SLC2A10: variants seen among roughly 807,000 people sequenced by gnomAD.
The protein encoded by SLC2A10 is solute carrier family 2 member 10, also known as solute carrier family 2, facilitated glucose transporter member 10.
SLC2A10 carries 25 observed loss-of-function variants against 32.1 expected under a neutral mutation model. That is an observed-to-expected ratio of 0.78 (90% CI 0.57 to 1.09). The LOEUF (loss-of-function observed/expected upper bound fraction) is 1.09, where lower values mean the gene tolerates loss of function less well. SLC2A10 is among the 50% of genes least tolerant of loss of function. SLC2A10 has a pLI of 0.00. For missense variants in SLC2A10, 673 were observed against 686.5 expected (o/e 0.98, Z 0.22); for synonymous variants, 332 against 309.6 (o/e 1.07, Z -0.76).
intron 1 of SLC2A10, among the ~76,000 whole-genome samples, chr20:46,720,157 C>T (rs529952880): frequency 6.6e-6 from 1 of 152,300 alleles, no homozygotes; most frequent in South Asian, 2.1e-4. Flanking sequence ...ATCAGAAGTA[C>T]CTTGGTTCAA....
chr20:46,711,990 A>C (rs1978940746), intron 1 of SLC2A10, among the ~76,000 whole-genome samples: 1 of 152,312 alleles, frequency 6.6e-6, no homozygotes, highest in Admixed American at 6.5e-5. Flanking sequence ...GCCCGAGTTC[A>C]AGTTCCTGCT....
At position 46,725,961 on chromosome 20, in the gene SLC2A10, C is replaced by G. The variant is rs765602345; in HGVS notation, c.925C>G (p.Leu309Val). ...LLLAGCALMA[L>V]SVSGIGLVSF... ...GCTAGCTGGCTGTGCCCTCATGGCC[C>G]TGTCCGTCAGTGGCATAGGCCTCGT... The change falls in exon 2 of 5, where the codon CTG becomes GTG. Residue 309 changes from leucine to valine, a missense_variant. By Grantham distance (32) the Leu-to-Val change is conservative (BLOSUM62 1). Coordinates refer to ENST00000359271, the MANE Select transcript of SLC2A10 (RefSeq NM_030777.4). 1.2e-6 allele frequency: 2 copies of G among 1,613,776 alleles called. No homozygotes were observed. The highest frequency in any genetic ancestry group is 3.3e-5 in the Admixed American group (2 of 60,014).
Position 46,726,846 on chromosome 20 carries a change from C to G in SLC2A10, c.1289-18C>G, listed in dbSNP as rs200748428. The G allele has an allele frequency of 3.7e-6, 6 of 1,613,986 alleles. No individual in the cohort carries two copies. The African/African-American group carries it at 8.0e-5, about 22-fold the overall frequency. ...GGTCCCACCACAGCCCAGGAGCCCT[C>G]CTGCTCTCCCACCCTAGTGACCTGG... On this transcript the variant is annotated intron_variant, in intron 2 of 4. Coordinates refer to ENST00000359271, the MANE Select transcript of SLC2A10 (RefSeq NM_030777.4).
At chr20:46,733,679 C>A in intron 4 of SLC2A10, 77 bp from the exon 5 acceptor site, 1 of 1,134,282 alleles carries the variant, frequency 8.8e-7, no homozygotes, top group Non-Finnish European at 1.3e-6. Flanking sequence ...TGGTGGGAAC[C>A]CCAGTGGAAG....
chr20:46,711,627 C>T (rs1204343552), intron 1 of SLC2A10, among the ~76,000 whole-genome samples: 1 of 152,146 alleles, frequency 6.6e-6, no homozygotes, highest in African/African-American at 2.4e-5. Flanking sequence ...ATGGGCAGAG[C>T]GAGGGCTGGG....
rs745307904 is a variant in SLC2A10 at position 46,729,477 on chromosome 20, C to G, written c.1536C>G (p.Phe512Leu). Residue 512 changes from phenylalanine (F) to leucine (L), a missense_variant, in exon 4 of 5, where the codon TTC becomes TTG. Physicochemically the swap from Phe to Leu is conservative, Grantham distance 22. Coordinates refer to ENST00000359271, the MANE Select transcript of SLC2A10 (RefSeq NM_030777.4). ...GQSLAEIDQQ[F>L]QKRRFTLSFG... ...CGTTGGCAGAGATAGACCAGCAGTT[C>G]CAGAAGAGACGGTAGGAAGCTGACA... 1.2e-6 allele frequency: 2 copies of G among 1,614,036 alleles called. No homozygotes were observed. Among genetic ancestry groups the G allele is most frequent in the Non-Finnish European group, 1.7e-6 (2 of 1,179,998 alleles).
intron 4 of SLC2A10, 90 bp downstream of exon 4, chr20:46,729,578 T>G: frequency 6.8e-7 from 1 of 1,472,860 alleles, no homozygotes; most frequent in South Asian, 1.1e-5. Flanking sequence ...GCTTTCCTTT[T>G]GCAAGCGGGC....
rs548932227 is a variant in SLC2A10 at position 46,713,904 on chromosome 20, G to C, written c.4+4164G>C. 5.3e-5 allele frequency among the ~76,000 whole-genome samples: 8 copies of C among 152,276 alleles called. No homozygotes were observed. In the East Asian group the frequency reaches 1.4e-3, roughly 26 times the overall value. ...GAAGACTCATAAAGGAACTTGCAGT[G>C]TGAAGGAAAAAGAGTACAGTGGAGA... On this transcript the variant is annotated intron_variant, in intron 1 of 4. Coordinates refer to ENST00000359271, the MANE Select transcript of SLC2A10 (RefSeq NM_030777.4).
intron 1 of SLC2A10, among the ~76,000 whole-genome samples, chr20:46,716,078 G>T (rs759352485): frequency 2.0e-5 from 3 of 151,850 alleles, no homozygotes; most frequent in South Asian, 2.1e-4. Flanking sequence ...TAAGTGAGTT[G>T]CTTTACCCCC....
At chr20:46,712,716 C>T (rs1161437441) in intron 1 of SLC2A10, among the ~76,000 whole-genome samples, 2 of 121,720 alleles carry the variant, frequency 1.6e-5, no homozygotes, top group African/African-American at 6.2e-5. Flanking sequence ...TGCAGTGGTA[C>T]AGTCTCGGCT....
rs1379143650 is a variant in SLC2A10, at chr20:46,733,791, C to T, written c.1583C>T (p.Thr528Ile). ...AGCTTTGGCCACAGGCAGAACTCCA[C>T]TGGCATCCCGTACAGCCGCATCGAG... ...TLSFGHRQNS[T>I]GIPYSRIEIS... Residue 528 changes from threonine to isoleucine, a missense_variant, in exon 5 of 5, where the codon ACT (threonine) becomes ATT (isoleucine). Physicochemically the swap from Thr to Ile is moderately conservative, Grantham distance 89. Transcript: ENST00000359271. 6.2e-7 allele frequency: 1 copy of T among 1,614,092 alleles called. No homozygotes were observed.
chr20:46,711,246 G>T (rs1243001167), intron 1 of SLC2A10, among the ~76,000 whole-genome samples: 1 of 152,214 alleles, frequency 6.6e-6, no homozygotes, highest in Non-Finnish European at 1.5e-5. Context: ...AAGCATAGAA[G>T]GTAGGCATTA....
At chr20:46,729,180 C>T (rs1315120722) in intron 3 of SLC2A10, among the ~76,000 whole-genome samples, 173 bp from the exon 4 acceptor site, 1 of 152,212 alleles carries the variant, frequency 6.6e-6, no homozygotes, top group Non-Finnish European at 1.5e-5. Flanking sequence ...GCGAGATTTC[C>T]GCTTTAAGGT....
chr20:46,711,035 G>C (rs1485994400), intron 1 of SLC2A10, among the ~76,000 whole-genome samples: 3 of 151,994 alleles, frequency 2.0e-5, no homozygotes, highest in African/African-American at 7.3e-5. Flanking sequence ...ACCACGCCCA[G>C]CTAATTTTTG....
Position 46,736,074 on chromosome 20 carries a change from G to T in SLC2A10, c.*2240G>T, listed in dbSNP as rs1329721329. On this transcript the variant is annotated 3_prime_UTR_variant, in exon 5 of 5. Coordinates refer to ENST00000359271, the MANE Select transcript of SLC2A10 (RefSeq NM_030777.4). Reference sequence around the variant, plus strand: ...ATAGTTGACTTTGGATACAAGGTTTGGCAAAAAAAAAAATATTAACAAAAT... The same window carrying T: ...ATAGTTGACTTTGGATACAAGGTTTTGCAAAAAAAAAAATATTAACAAAAT... 1 of 149,836 alleles carries T rather than the reference G, an allele frequency of 6.7e-6. No homozygotes were observed. Among genetic ancestry groups the T allele is most frequent in the Non-Finnish European group, 1.5e-5 (1 of 67,644 alleles). The allele number at this position is 149,836 out of a possible 1,614,324, so 9.3% of individuals were successfully genotyped here.
intron 4 of SLC2A10, among the ~76,000 whole-genome samples, chr20:46,731,193 T>C (rs1779950739): frequency 1.3e-5 from 2 of 152,170 alleles, no homozygotes; most frequent in South Asian, 4.1e-4. Context: ...CCAGGCTCCT[T>C]CTGTCTTGTT....
At chr20:46,728,192 G>C (rs182689918) in intron 3 of SLC2A10, among the ~76,000 whole-genome samples, 1 of 152,060 alleles carries the variant, frequency 6.6e-6, no homozygotes, top group African/African-American at 2.4e-5. Context: ...TCCTTACCCC[G>C]TCCAGCCAGG....
intron 1 of SLC2A10, among the ~76,000 whole-genome samples, chr20:46,715,322 C>A (rs7266179): frequency 0.015 from 2,326 of 152,262 alleles, 57 homozygotes; most frequent in African/African-American, 0.054. Context: ...TCCAGTGGAA[C>A]CTGTGGGTGG....
chr20:46,715,247 T>TTTG (rs1304337971), intron 1 of SLC2A10, among the ~76,000 whole-genome samples: 1 of 149,084 alleles, frequency 6.7e-6, no homozygotes, highest in East Asian at 1.9e-4. Flanking sequence ...TGTTTGTTTG[T>TTTG]TTGTTTGTTT....
Sources: gnomAD v4.1 joint callset for allele counts (sites outside exome capture counted in the v4.1 genomes callset) on GRCh38, gnomAD v4.1.1 for gene constraint, MANE v1.5 for transcripts, NCBI Gene and HGNC (gene_info 2026-07-23, HGNC 2026-07-21) for gene names.